The following VWDE variants were observed in gnomAD, a reference collection of about 807,000 sequenced individuals.
The protein encoded by VWDE is von Willebrand factor D and EGF domains.
VWDE carries 207 observed loss-of-function variants against 178.4 expected under a neutral mutation model. The ratio of observed to expected loss-of-function variants is 1.16; its 90% CI spans 1.04 to 1.30. VWDE has a LOEUF of 1.30. Among genes scored for constraint, VWDE ranks in the 50% most tolerant of loss-of-function variants. The probability of loss-of-function intolerance (pLI) is 0.00; values close to 1 mark genes in which losing one functional copy is unlikely to be tolerated. For synonymous variants in VWDE, 738 were observed against 651.4 expected (o/e 1.13, Z -2.02); for missense variants, 2,287 against 1,901.3 (o/e 1.20, Z -3.77).
At chr7:12,339,012 A>T (rs1174890448) in intron 24 of VWDE, among the ~76,000 whole-genome samples, 1 of 152,060 alleles carries the variant, frequency 6.6e-6, no homozygotes, top group Non-Finnish European at 1.5e-5. Flanking sequence ...ACAAGATGAG[A>T]TCTAATAAGA....
chr7:12,342,308 C>T (rs1326667250), intron 22 of VWDE, among the ~76,000 whole-genome samples, 154 bp from the exon 23 acceptor site: 2 of 152,106 alleles, frequency 1.3e-5, no homozygotes, highest in Admixed American at 6.5e-5. Context: ...GTTTCAAATG[C>T]TTTCTGATTC....
chr7:12,382,246 T>A (rs1301186833), intron 4 of VWDE, among the ~76,000 whole-genome samples: 3 of 151,860 alleles, frequency 2.0e-5, no homozygotes, highest in African/African-American at 4.8e-5. Context: ...ATTTATTATT[T>A]ATTCAAGAGG....
intron 2 of VWDE, among the ~76,000 whole-genome samples, chr7:12,390,361 A>G (rs944576795): frequency 7.9e-5 from 12 of 152,132 alleles, no homozygotes; most frequent in African/African-American, 2.2e-4. Context: ...CTTCTCTTTT[A>G]TATTAGGTGG....
Position 12,375,170 on chromosome 7 carries a change from T to A in VWDE, c.1082A>T (p.Gln361Leu). 1.9e-6 allele frequency: 3 copies of A among 1,551,242 alleles called. No homozygotes were observed. Among genetic ancestry groups the A allele is most frequent in the Non-Finnish European group, 2.6e-6 (3 of 1,146,626 alleles). ...ALSSCHVDLL[Q>L]TSSCANGTCS... ...GGTTCCATTAGCACAGGAAGATGTCTGGAGAAGGTCCACATGACAGGAAGA... is the reference window on the plus strand; with the variant it reads ...GGTTCCATTAGCACAGGAAGATGTCAGGAGAAGGTCCACATGACAGGAAGA... The change falls in exon 8 of 29, where the codon CAG becomes CTG. Residue 361 changes from glutamine (Q) to leucine (L), a missense_variant. By Grantham distance (113) the Gln-to-Leu change is moderately radical. Coordinates refer to ENST00000275358, the MANE Select transcript of VWDE (RefSeq NM_001135924.3).
intron 3 of VWDE, chr7:12,388,890 GA>G (rs1784232612): frequency 3.0e-6 from 2 of 677,014 alleles, no homozygotes; most frequent in African/African-American, 1.8e-5. Flanking sequence ...ATGTCCAGTG[GA>G]AAAATGTGAG....
chr7:12,350,453 A>T (rs894691782), intron 19 of VWDE, among the ~76,000 whole-genome samples: 3 of 152,112 alleles, frequency 2.0e-5, no homozygotes, highest in Admixed American at 2.0e-4. Flanking sequence ...TCCCAATTTA[A>T]AACTAGGAAT....
chr7:12,349,235 T>TAATAAATACATAAATAAATA (rs57754696), intron 19 of VWDE, among the ~76,000 whole-genome samples: 11 of 130,024 alleles, frequency 8.5e-5, no homozygotes, highest in African/African-American at 2.8e-4. Context: ...ATAATCATAA[T>TAATAAATACATAAATAAATA]AATAAATAAA....
At chr7:12,385,152 AGATT>A (rs1297828748) in intron 3 of VWDE, among the ~76,000 whole-genome samples, 4 of 149,344 alleles carry the variant, frequency 2.7e-5, no homozygotes, top group Non-Finnish European at 6.0e-5. Flanking sequence ...AGGGATATAT[AGATT>A]GTGTAAATAT....
chr7:12,391,612 T>C (rs1323928537), intron 2 of VWDE, among the ~76,000 whole-genome samples: 2 of 152,244 alleles, frequency 1.3e-5, no homozygotes, highest in Non-Finnish European at 2.9e-5. Flanking sequence ...GAATTTTTTT[T>C]AGTTCTTTAC....
intron 18 of VWDE, among the ~76,000 whole-genome samples, chr7:12,355,292 T>C (rs1472053565): frequency 6.6e-6 from 1 of 151,758 alleles, no homozygotes; most frequent in Admixed American, 6.6e-5. Context: ...GGCGGGCGCC[T>C]GTAGTCCCAG....
intron 6 of VWDE, 150 bp downstream of exon 6, chr7:12,379,327 T>C: frequency 2.1e-6 from 1 of 469,176 alleles, no homozygotes; most frequent in African/African-American, 2.0e-5. Flanking sequence ...TTAGAATTAC[T>C]GGGGCTTTTC....
At chr7:12,365,541 A>G (rs1782811932) in intron 13 of VWDE, among the ~76,000 whole-genome samples, 1 of 152,150 alleles carries the variant, frequency 6.6e-6, no homozygotes, top group African/African-American at 2.4e-5. Context: ...TTGAACTAAG[A>G]AGGTGAGCAG....
rs746158666 is a variant in VWDE at position 12,367,450 on chromosome 7, A to T, written c.2805T>A (p.Cys935Ter). ...EITELGNAGF[C>*]DVQKYNCMMV... ...TCATACAATTATATTTTTGAACATC[A>T]CAGAATCCAGCATTCCCAAGCTCTG... Residue 935 changes from cysteine to a stop codon, truncating the protein, a stop_gained, in exon 13 of 29, where the codon TGT becomes TGA. Coordinates refer to ENST00000275358, the MANE Select transcript of VWDE (RefSeq NM_001135924.3). LOFTEE classifies it high-confidence loss of function. 2.4e-4 allele frequency: 378 copies of T among 1,545,274 alleles called. 1 individual carries two copies. The highest frequency in any genetic ancestry group is 1.9e-4 in the Non-Finnish European group (218 of 1,143,852).
rs1783093405 is a variant in VWDE, at chr7:12,370,081, A to G, written c.2225T>C (p.Met742Thr). Residue 742 changes from methionine to threonine, a missense_variant, in exon 12 of 29, where the codon ATG becomes ACG. Transcript: ENST00000275358. Reference protein sequence around the residue: ...TQGRGSHSQEMRYNRQNRWKR... With the variant: ...TQGRGSHSQETRYNRQNRWKR... ...CCATCTGTTTTGTCGATTGTACCTC[A>G]TTTCTTGGCTGTGGCTTCCCCGGCC... 2 of 1,551,342 alleles carry G rather than the reference A, an allele frequency of 1.3e-6. No homozygotes were observed. Among genetic ancestry groups the G allele is most frequent in the African/African-American group, 1.4e-5 (1 of 72,978 alleles).
In VWDE at chr7:12,380,415, A is replaced by G. The variant is rs1020540005; in HGVS notation, c.789+71T>C. 1.2e-5 allele frequency: 18 copies of G among 1,501,682 alleles called. 1 individual carries two copies. The highest frequency in any genetic ancestry group is 1.4e-5 in the Non-Finnish European group (16 of 1,125,584). 93.0% of individuals were successfully genotyped at this position (1,501,682 alleles called of 1,614,324 possible). On this transcript the variant is annotated intron_variant, in intron 5 of 28. Coordinates refer to ENST00000275358, the MANE Select transcript of VWDE (RefSeq NM_001135924.3). ...TGGGGACAAAATCTATTTTTTGGAT[A>G]TGATGTTTAAAAATCGTGTTTGAAA...
At chr7:12,385,825 C>G (rs1021183713) in intron 3 of VWDE, among the ~76,000 whole-genome samples, 12 of 152,164 alleles carry the variant, frequency 7.9e-5, no homozygotes, top group African/African-American at 2.9e-4. Flanking sequence ...AATTGTCTCC[C>G]AGAATTCCTT....
chr7:12,400,915 C>T (rs757090761), intron 1 of VWDE, among the ~76,000 whole-genome samples: 1 of 152,020 alleles, frequency 6.6e-6, no homozygotes, highest in Non-Finnish European at 1.5e-5. Flanking sequence ...TAACTAAAAT[C>T]GAATTACTAT....
At chr7:12,359,986 T>C (rs190479334) in intron 15 of VWDE, among the ~76,000 whole-genome samples, 2 of 152,174 alleles carry the variant, frequency 1.3e-5, no homozygotes, top group African/African-American at 4.8e-5. Context: ...TATTTTTCAC[T>C]GCTAAACTCA....
At chr7:12,359,051 G>A (rs765713571) in intron 16 of VWDE, among the ~76,000 whole-genome samples, 2 of 152,204 alleles carry the variant, frequency 1.3e-5, no homozygotes, top group Non-Finnish European at 2.9e-5. Context: ...ATCTCCCTGT[G>A]AGGGAAGAGA....
Sources: gnomAD v4.1 joint callset for allele counts (sites outside exome capture counted in the v4.1 genomes callset) on GRCh38, gnomAD v4.1.1 for gene constraint, MANE v1.5 for transcripts, NCBI Gene and HGNC (gene_info 2026-07-23, HGNC 2026-07-21) for gene names.